SNX29: variants seen among roughly 807,000 people sequenced by gnomAD.
SNX29 encodes sorting nexin-29.
SNX29 carries 78 observed loss-of-function variants against 102.1 expected under a neutral mutation model. The observed-to-expected ratio is 0.76, with a 90% CI of 0.64 to 0.92. The LOEUF is 0.92. Ranked by LOEUF, SNX29 falls within the 40% of genes least tolerant of loss-of-function variation. SNX29 has a pLI of 0.00. For missense variants in SNX29, 1,280 were observed against 1,061.7 expected (o/e 1.21, Z -2.86); for synonymous variants, 580 against 414.5 (o/e 1.40, Z -4.85).
intron 11 of SNX29, among the ~76,000 whole-genome samples, chr16:12,099,260 C>T (rs544886564): frequency 3.1e-4 from 47 of 152,158 alleles, no homozygotes; most frequent in Non-Finnish European, 5.7e-4. Flanking sequence ...GCGAGGTGGT[C>T]AGCTCAGCAC....
intron 15 of SNX29, among the ~76,000 whole-genome samples, chr16:12,336,068 A>G (rs1423785608): frequency 6.6e-6 from 1 of 152,212 alleles, no homozygotes; most frequent in African/African-American, 2.4e-5. Context: ...AAATCAAAGA[A>G]GAAGAACCAG....
rs1179570959 is a variant in SNX29 at position 12,061,619 on chromosome 16, A to C, written c.1216A>C (p.Ser406Arg). 1 of 1,611,992 alleles carries C rather than the reference A, an allele frequency of 6.2e-7. No individual in the cohort carries two copies. Residue 406 changes from serine (S) to arginine (R), a missense_variant, in exon 9 of 21, where the codon AGT (serine) becomes CGT (arginine). Transcript: ENST00000566228. ...TGACTCCGACATCCTCTTCCCTGTC[A>C]GTGGCGTGGGCTCCTACAGCCCAGC... ...HNDSDILFPVSGVGSYSPADA... is the reference protein window; with the variant it reads ...HNDSDILFPVRGVGSYSPADA...
intron 20 of SNX29, among the ~76,000 whole-genome samples, chr16:12,548,354 T>G (rs949463492): frequency 1.3e-5 from 2 of 152,210 alleles, no homozygotes; most frequent in African/African-American, 4.8e-5. Flanking sequence ...CAGTGGGCAC[T>G]CTGCACCCAC....
chr16:12,160,300 A>T lies in SNX29; in HGVS notation c.1595+30542A>T, dbSNP rs754909612. Among the ~76,000 whole-genome samples the T allele has an allele frequency of 9.9e-5, 15 of 152,228 alleles. 1 individual carries two copies. Among genetic ancestry groups the T allele is most frequent in the Admixed American group, 2.6e-4 (4 of 15,286 alleles). ...TAGGAGTAGATGTTAGGTTTTTAAC[A>T]TGAGGAATCTTCATTTTAGTTTAGA... On this transcript the variant is annotated intron_variant, in intron 13 of 20. Transcript: ENST00000566228.
intron 20 of SNX29, among the ~76,000 whole-genome samples, chr16:12,543,867 T>A (rs994676934): frequency 2.6e-5 from 4 of 152,220 alleles, no homozygotes; most frequent in Non-Finnish European, 5.9e-5. Flanking sequence ...GAACATCCTC[T>A]TACCACACTA....
intron 20 of SNX29, among the ~76,000 whole-genome samples, chr16:12,565,463 C>CA (rs1448345196): frequency 6.6e-6 from 1 of 152,178 alleles, no homozygotes; most frequent in Non-Finnish European, 1.5e-5. Flanking sequence ...ATCCTGGGTT[C>CA]TCTCAAACCA....
intron 20 of SNX29, among the ~76,000 whole-genome samples, chr16:12,548,142 T>C (rs775628821): frequency 6.6e-6 from 1 of 152,214 alleles, no homozygotes; most frequent in Non-Finnish European, 1.5e-5. Flanking sequence ...TTTCTATCCC[T>C]GTTCATTCTT....
Position 12,028,880 on chromosome 16 carries a change from C to G in SNX29, c.247+1436C>G, listed in dbSNP as rs185615487. Among the ~76,000 whole-genome samples the G allele has an allele frequency of 4.8e-3, 725 of 152,050 alleles. 9 individuals carry two copies. The highest frequency in any genetic ancestry group is 0.017 in the African/African-American group (706 of 41,466). On this transcript the variant is annotated intron_variant, in intron 4 of 20. Transcript: ENST00000566228. ...TCTCCTGCCTGAGCCTCCCGAGTAG[C>G]TGGGATTACAGGTGCCCACCACCAT...
At chr16:12,053,789 T>C (rs1485784912) in intron 8 of SNX29, among the ~76,000 whole-genome samples, 1 of 152,066 alleles carries the variant, frequency 6.6e-6, no homozygotes, top group African/African-American at 2.4e-5. Context: ...TGCCAGGTGC[T>C]GCAGATGATT....
intron 6 of SNX29, among the ~76,000 whole-genome samples, chr16:12,047,086 G>C (rs1327132530): frequency 6.6e-6 from 1 of 152,216 alleles, no homozygotes; most frequent in Non-Finnish European, 1.5e-5. Context: ...GACCTGGGCA[G>C]ATGCCGTAAG....
chr16:12,145,001 G>A (rs1484489114), intron 13 of SNX29, among the ~76,000 whole-genome samples: 1 of 152,226 alleles, frequency 6.6e-6, no homozygotes, highest in African/African-American at 2.4e-5. Flanking sequence ...GATTACAGGC[G>A]TGAGCCGCTG....
intron 20 of SNX29, among the ~76,000 whole-genome samples, chr16:12,542,589 C>T (rs1403585387): frequency 1.3e-5 from 2 of 152,206 alleles, no homozygotes; most frequent in Non-Finnish European, 2.9e-5. Flanking sequence ...GCCTCAGCCT[C>T]CCAAAGTGCT....
At chr16:12,542,734 C>T (rs943892957) in intron 20 of SNX29, among the ~76,000 whole-genome samples, 3 of 138,252 alleles carry the variant, frequency 2.2e-5, no homozygotes, top group Non-Finnish European at 3.1e-5. Context: ...AAATCTTGTG[C>T]ATATAAGCAC....
chr16:12,566,673 G>A (rs1005108182), intron 20 of SNX29, among the ~76,000 whole-genome samples: 2 of 138,966 alleles, frequency 1.4e-5, no homozygotes, highest in African/African-American at 5.5e-5. Context: ...GGAGCATTCA[G>A]GGATAAAGAG....
chr16:12,396,992 G>A (rs1291477263), intron 16 of SNX29, among the ~76,000 whole-genome samples: 2 of 152,186 alleles, frequency 1.3e-5, no homozygotes, highest in South Asian at 2.1e-4. Flanking sequence ...CTCAAGTGAT[G>A]CTCCCACGTC....
At chr16:12,195,985 CTTTT>C (rs762409358) in intron 13 of SNX29, among the ~76,000 whole-genome samples, 8 of 117,972 alleles carry the variant, frequency 6.8e-5, no homozygotes, top group Non-Finnish European at 1.4e-4. Context: ...GTTTCTTTTC[CTTTT>C]TTTTTTTTTT....
intron 4 of SNX29, among the ~76,000 whole-genome samples, chr16:12,034,056 C>G (rs2057411231): frequency 2.0e-5 from 3 of 152,182 alleles, no homozygotes; most frequent in Non-Finnish European, 4.4e-5. Context: ...CATCTTCAGT[C>G]AGTGGGAAGC....
intron 13 of SNX29, among the ~76,000 whole-genome samples, chr16:12,176,489 A>G (rs1387649173): frequency 6.6e-6 from 1 of 152,250 alleles, no homozygotes; most frequent in Non-Finnish European, 1.5e-5. Context: ...ATATTCAGGA[A>G]GAACATACAA....
intron 13 of SNX29, among the ~76,000 whole-genome samples, chr16:12,154,801 A>T (rs1458090321): frequency 6.6e-6 from 1 of 152,186 alleles, no homozygotes; most frequent in Non-Finnish European, 1.5e-5. Flanking sequence ...CTGTGTCCTT[A>T]CATGGTGGAA....
Sources: gnomAD v4.1 joint callset for allele counts (sites outside exome capture counted in the v4.1 genomes callset) on GRCh38, gnomAD v4.1.1 for gene constraint, MANE v1.5 for transcripts, NCBI Gene and HGNC (gene_info 2026-07-23, HGNC 2026-07-21) for gene names.